The following GMDS variants were observed in gnomAD, a reference collection of about 807,000 sequenced individuals.
GMDS encodes the protein GDP-mannose 4,6-dehydratase.
A neutral mutation model predicts 49.9 loss-of-function variants in GMDS; 20 were observed. The ratio of observed to expected loss-of-function variants is 0.40; its 90% CI spans 0.28 to 0.58. The LOEUF (loss-of-function observed/expected upper bound fraction) is 0.58, where lower values mean the gene tolerates loss of function less well. GMDS is among the 20% of genes least tolerant of loss of function. The pLI, the probability that GMDS is intolerant of heterozygous loss-of-function variation, is 0.42. For synonymous variants in GMDS, 177 were observed against 178.6 expected (o/e 0.99, Z 0.07); for missense variants, 362 against 481.4 (o/e 0.75, Z 2.32).
rs997795669 is a variant in GMDS at position 1,967,336 on chromosome 6, T to C, written c.346-6370A>G. ...ATGCCGGAAGCACGCCTTGGCACAG[T>C]ATTTGCTGAGTGAATGAAGACAGTG... On this transcript the variant is annotated intron_variant, in intron 4 of 10. Coordinates refer to ENST00000380815, the MANE Select transcript of GMDS (RefSeq NM_001500.4). Among the ~76,000 whole-genome samples, 13 of 152,344 alleles carry C rather than the reference T, an allele frequency of 8.5e-5. 1 individual carries two copies. In the South Asian group the frequency reaches 2.5e-3, roughly 29 times the overall value.
intron 1 of GMDS, chr6:2,176,010 G>T (rs431112): frequency 0.026 from 40,588 of 1,532,878 alleles, 1,881 homozygotes; most frequent in East Asian, 0.14. Flanking sequence ...TCACACAAAA[G>T]TGCCTCAGAG....
intron 4 of GMDS, among the ~76,000 whole-genome samples, chr6:1,975,099 C>T (rs1764826276): frequency 6.6e-6 from 1 of 151,814 alleles, no homozygotes; most frequent in African/African-American, 2.4e-5. Context: ...CTCAAACTGC[C>T]AGGATATTGT....
At chr6:1,806,203 A>C (rs568168627) in intron 7 of GMDS, among the ~76,000 whole-genome samples, 1 of 152,302 alleles carries the variant, frequency 6.6e-6, no homozygotes, top group East Asian at 1.9e-4. Flanking sequence ...TCCCTCATAC[A>C]TTGGAGGAAG....
At chr6:1,792,667 A>C (rs1487823301) in intron 7 of GMDS, among the ~76,000 whole-genome samples, 1 of 152,210 alleles carries the variant, frequency 6.6e-6, no homozygotes, top group Non-Finnish European at 1.5e-5. Flanking sequence ...TGTGTTTGAA[A>C]ATATCTGTAA....
chr6:2,241,792 A>G (rs751629415), intron 1 of GMDS, among the ~76,000 whole-genome samples: 1 of 152,242 alleles, frequency 6.6e-6, no homozygotes, highest in Non-Finnish European at 1.5e-5. Flanking sequence ...ACCATGAACC[A>G]AATAAACCTC....
intron 4 of GMDS, among the ~76,000 whole-genome samples, chr6:2,099,983 TAGG>T (rs1224044533): frequency 1.3e-5 from 2 of 152,064 alleles, no homozygotes; most frequent in African/African-American, 4.8e-5. Flanking sequence ...TTTGGGGTTG[TAGG>T]AGATCTTGGA....
chr6:1,981,302 A>C (rs1160824218), intron 4 of GMDS, among the ~76,000 whole-genome samples: 1 of 152,092 alleles, frequency 6.6e-6, no homozygotes, highest in Admixed American at 6.5e-5. Context: ...ACTAATCAAG[A>C]AGAAAAGAGA....
chr6:1,913,350 C>T lies in GMDS; in HGVS notation c.771+16753G>A, dbSNP rs1328281035. Among the ~76,000 whole-genome samples the T allele has an allele frequency of 2.1e-5, 3 of 144,472 alleles. No homozygotes were observed. In the Admixed American group the frequency reaches 2.1e-4, roughly 10 times the overall value. The allele number at this position is 144,472 out of a possible 152,430, so 94.8% of individuals were successfully genotyped here. On this transcript the variant is annotated intron_variant, in intron 7 of 10. Transcript: ENST00000380815. ...GAGCCGAGATCCTGCCACTGCACTC[C>T]AGCCTGGGCGACAGAGCGAGACTCC...
Position 2,141,762 on chromosome 6 carries a change from G to A in GMDS, c.103-17031C>T, listed in dbSNP as rs1368585349. 3.3e-5 allele frequency among the ~76,000 whole-genome samples: 5 copies of A among 152,194 alleles called. No homozygotes were observed. The East Asian group carries it at 5.8e-4, about 18-fold the overall frequency. ...ACAGCATCTCTGACCACAAACGGCCGGCAGCCACACACTGTGGCCCTGCCA... is the reference window on the plus strand; with the variant it reads ...ACAGCATCTCTGACCACAAACGGCCAGCAGCCACACACTGTGGCCCTGCCA... On this transcript the variant is annotated intron_variant, in intron 1 of 10. Coordinates refer to ENST00000380815, the MANE Select transcript of GMDS (RefSeq NM_001500.4).
intron 9 of GMDS, among the ~76,000 whole-genome samples, chr6:1,673,990 C>T (rs924416078): frequency 1.2e-5 from 1 of 83,340 alleles, no homozygotes; most frequent in Non-Finnish European, 3.0e-5. Flanking sequence ...CTGCTATAAA[C>T]ATCTATGCGC....
At chr6:2,100,262 T>C (rs1225242617) in intron 4 of GMDS, among the ~76,000 whole-genome samples, 1 of 152,070 alleles carries the variant, frequency 6.6e-6, no homozygotes, top group Non-Finnish European at 1.5e-5. Context: ...ACAATTAAAA[T>C]TGGGTTAAAG....
intron 7 of GMDS, among the ~76,000 whole-genome samples, chr6:1,839,553 A>G (rs777864643): frequency 2.6e-5 from 4 of 152,186 alleles, no homozygotes; most frequent in South Asian, 2.1e-4. Context: ...TGACCCTTAA[A>G]TATTTACCAG....
chr6:1,718,382 C>T (rs1042312449), intron 9 of GMDS, among the ~76,000 whole-genome samples: 2 of 152,218 alleles, frequency 1.3e-5, no homozygotes, highest in African/African-American at 4.8e-5. Context: ...TGGGTTCCAG[C>T]ATCGTCACCT....
At chr6:1,711,988 C>T (rs1765984471) in intron 9 of GMDS, among the ~76,000 whole-genome samples, 2 of 152,198 alleles carry the variant, frequency 1.3e-5, no homozygotes, top group Non-Finnish European at 1.5e-5. Context: ...CATTAACACC[C>T]AACACTTCTC....
At position 1,833,629 on chromosome 6, in the gene GMDS, A is replaced by G. The variant is rs1342973735; in HGVS notation, c.772-91043T>C. Among the ~76,000 whole-genome samples, 1 of 152,182 alleles carries G rather than the reference A, an allele frequency of 6.6e-6. No homozygotes were observed. The highest frequency in any genetic ancestry group is 1.5e-5 in the Non-Finnish European group (1 of 68,030). On this transcript the variant is annotated intron_variant, in intron 7 of 10. Coordinates refer to ENST00000380815, the MANE Select transcript of GMDS (RefSeq NM_001500.4). The surrounding 1 kb of genome is among the most constrained non-coding windows in gnomAD (Gnocchi z 4.4). ...TTAGACTCATGACAAGTCTTTGTGC[A>G]GAAAACAAAACTTCACACCCCACAC...
intron 4 of GMDS, among the ~76,000 whole-genome samples, chr6:2,087,199 T>C (rs535512946): frequency 6.6e-6 from 1 of 152,212 alleles, no homozygotes. Flanking sequence ...ATAGATTAGA[T>C]GGACAAGGAA....
intron 7 of GMDS, among the ~76,000 whole-genome samples, chr6:1,755,968 C>T (rs892084919): frequency 6.6e-6 from 1 of 152,188 alleles, no homozygotes; most frequent in African/African-American, 2.4e-5. Context: ...TCAGAGTAAA[C>T]AGGCAACCTA....
chr6:1,722,198 C>T (rs561677338), intron 9 of GMDS, among the ~76,000 whole-genome samples: 7 of 149,346 alleles, frequency 4.7e-5, no homozygotes, highest in Non-Finnish European at 8.9e-5. Flanking sequence ...TCCCCAGTAG[C>T]TGTGACTACA....
intron 4 of GMDS, among the ~76,000 whole-genome samples, chr6:2,037,469 A>T (rs1769369803): frequency 6.6e-6 from 1 of 152,178 alleles, no homozygotes; most frequent in Admixed American, 6.5e-5. Context: ...GCAGCATCTG[A>T]CACATGTCCC....
Sources: allele counts gnomAD v4.1 joint callset (sites outside exome capture counted in the v4.1 genomes callset), GRCh38; gene constraint gnomAD v4.1.1; non-coding constraint Gnocchi (gnomAD v3.1); transcripts MANE v1.5; gene names NCBI Gene and HGNC (gene_info 2026-07-23, HGNC 2026-07-21).